STPG2: variants seen among roughly 807,000 people sequenced by gnomAD.
STPG2 encodes the protein sperm tail PG-rich repeat containing 2.
STPG2 carries 56 observed loss-of-function variants against 54.2 expected under a neutral mutation model. That is an observed-to-expected ratio of 1.03 (90% CI 0.83 to 1.29). The LOEUF (loss-of-function observed/expected upper bound fraction) is 1.29, where lower values mean the gene tolerates loss of function less well. Ranked by LOEUF, STPG2 falls within the 50% of genes most tolerant of loss-of-function variation. The pLI, the probability that STPG2 is intolerant of heterozygous loss-of-function variation, is 0.00. For missense variants in STPG2, 596 were observed against 544.9 expected (o/e 1.09, Z -0.93); for synonymous variants, 200 against 181.8 (o/e 1.10, Z -0.81).
At chr4:98,056,599 C>T (rs1393954119) in intron 5 of STPG2, among the ~76,000 whole-genome samples, 1 of 151,866 alleles carries the variant, frequency 6.6e-6, no homozygotes, top group Non-Finnish European at 1.5e-5. Flanking sequence ...TACCTTATAC[C>T]ATCAAACCCT....
At chr4:97,922,220 T>G (rs2149210660) in intron 8 of STPG2, among the ~76,000 whole-genome samples, 1 of 152,272 alleles carries the variant, frequency 6.6e-6, no homozygotes, top group East Asian at 1.9e-4. Flanking sequence ...ATTACATCAT[T>G]TTACAGGGAA....
chr4:97,922,190 T>A (rs1039983040), intron 8 of STPG2, among the ~76,000 whole-genome samples: 2 of 152,178 alleles, frequency 1.3e-5, no homozygotes, highest in Non-Finnish European at 2.9e-5. Context: ...TTTGTGGTGA[T>A]GAATATGTTA....
intron 8 of STPG2, among the ~76,000 whole-genome samples, chr4:97,901,291 G>A (rs1291694841): frequency 1.3e-5 from 2 of 151,834 alleles, no homozygotes; most frequent in African/African-American, 4.8e-5. Flanking sequence ...AGACAAAGAT[G>A]CCCACTTTGC....
At chr4:97,795,712 C>T (rs1041734799) in intron 9 of STPG2, among the ~76,000 whole-genome samples, 2 of 152,164 alleles carry the variant, frequency 1.3e-5, no homozygotes, top group East Asian at 1.9e-4. Flanking sequence ...TGGGTATATA[C>T]CCAGTAATGG....
intron 4 of STPG2, among the ~76,000 whole-genome samples, chr4:97,533,407 C>T (rs954821975): frequency 9.9e-5 from 15 of 151,710 alleles, no homozygotes; most frequent in Admixed American, 1.3e-4. Flanking sequence ...TGTGTGTTGT[C>T]GTTATTGTTT....
At chr4:97,549,425 T>C (rs1360628414) in intron 4 of STPG2, among the ~76,000 whole-genome samples, 1 of 152,154 alleles carries the variant, frequency 6.6e-6, no homozygotes, top group African/African-American at 2.4e-5. Context: ...CTTGCCATAA[T>C]TAGCTTTTGA....
intron 10 of STPG2, among the ~76,000 whole-genome samples, chr4:97,679,076 C>T (rs1171544199): frequency 6.6e-6 from 1 of 152,058 alleles, no homozygotes; most frequent in Admixed American, 6.6e-5. Flanking sequence ...AATAGTGCTG[C>T]AATAAACATA....
chr4:97,867,226 T>C (rs1729825017), intron 8 of STPG2, among the ~76,000 whole-genome samples: 1 of 152,008 alleles, frequency 6.6e-6, no homozygotes, highest in South Asian at 2.1e-4. Context: ...GGCTGCTTTT[T>C]TATAGATAAT....
At chr4:98,067,369 T>C (rs553319797) in intron 5 of STPG2, among the ~76,000 whole-genome samples, 2 of 152,308 alleles carry the variant, frequency 1.3e-5, no homozygotes, top group East Asian at 3.9e-4. Context: ...TTCCTATATA[T>C]TCAATTTTAA....
intron 4 of STPG2, among the ~76,000 whole-genome samples, chr4:97,459,437 T>G (rs1308744372): frequency 6.8e-6 from 1 of 147,040 alleles, no homozygotes; most frequent in East Asian, 2.0e-4. Flanking sequence ...CCTGTTTTTT[T>G]TTGTTTTTTT....
At chr4:97,499,146 A>G (rs1730673211) in intron 4 of STPG2, among the ~76,000 whole-genome samples, 2 of 151,454 alleles carry the variant, frequency 1.3e-5, no homozygotes, top group Admixed American at 1.3e-4. Context: ...AGAAAGTATC[A>G]TCAAGAGTTT....
intron 9 of STPG2, among the ~76,000 whole-genome samples, chr4:97,725,693 T>C (rs552171317): frequency 3.3e-5 from 5 of 151,948 alleles, no homozygotes; most frequent in Non-Finnish European, 1.5e-5. Context: ...CCAAAATCCA[T>C]GTTTCCAGAA....
intron 9 of STPG2, among the ~76,000 whole-genome samples, chr4:97,787,870 C>A (rs189523815): frequency 9.8e-4 from 148 of 151,268 alleles, no homozygotes; most frequent in Middle Eastern, 3.4e-3. Context: ...CTGTCAAATT[C>A]TTTGGCAACT....
chr4:97,604,915 T>C (rs1354902067), intron 10 of STPG2, among the ~76,000 whole-genome samples: 1 of 151,802 alleles, frequency 6.6e-6, no homozygotes, highest in Non-Finnish European at 1.5e-5. Flanking sequence ...AAATATCTTC[T>C]CCTTTTCCCT....
At chr4:97,883,777 A>G (rs563005000) in intron 8 of STPG2, among the ~76,000 whole-genome samples, 1 of 152,340 alleles carries the variant, frequency 6.6e-6, no homozygotes, top group Admixed American at 6.5e-5. Flanking sequence ...TCTAATACTC[A>G]TGTAATTGAA....
At chr4:97,855,612 G>C (rs1010516066) in intron 8 of STPG2, among the ~76,000 whole-genome samples, 1 of 151,992 alleles carries the variant, frequency 6.6e-6, no homozygotes, top group Non-Finnish European at 1.5e-5. Context: ...CCATTCTGTA[G>C]GTTGCCTGTT....
intron 8 of STPG2, among the ~76,000 whole-genome samples, chr4:97,899,083 A>C (rs1019522670): frequency 5.3e-5 from 8 of 151,838 alleles, no homozygotes; most frequent in African/African-American, 1.7e-4. Flanking sequence ...CCATAATCTC[A>C]GCCCAAAAGC....
chr4:97,654,809 AT>A (rs1232085245), intron 10 of STPG2, among the ~76,000 whole-genome samples: 1 of 142,938 alleles, frequency 7.0e-6, no homozygotes, highest in African/African-American at 3.1e-5. Flanking sequence ...AGTAAAAAAA[AT>A]CATAAATAAC....
chr4:98,029,610 T>C (rs1736532195), intron 5 of STPG2, among the ~76,000 whole-genome samples: 1 of 152,192 alleles, frequency 6.6e-6, no homozygotes, highest in Admixed American at 6.6e-5. Flanking sequence ...TGTATCATGC[T>C]TTTATATTTT....
Sources: gnomAD v4.1 joint callset for allele counts (sites outside exome capture counted in the v4.1 genomes callset) on GRCh38, gnomAD v4.1.1 for gene constraint, MANE v1.5 for transcripts, NCBI Gene and HGNC (gene_info 2026-07-23, HGNC 2026-07-21) for gene names.